PRRX1: variants seen among roughly 807,000 people sequenced by gnomAD.
PRRX1 encodes paired related homeobox 1, also known as paired mesoderm homeobox protein 1.
PRRX1 carries 8 observed loss-of-function variants against 24.0 expected under a neutral mutation model. The ratio of observed to expected loss-of-function variants is 0.33; its 90% CI spans 0.20 to 0.60. The LOEUF (loss-of-function observed/expected upper bound fraction) is 0.60, where lower values mean the gene tolerates loss of function less well. PRRX1 is among the 20% of genes least tolerant of loss of function. PRRX1 has a pLI of 0.82. For synonymous variants in PRRX1, 160 were observed against 131.7 expected, an observed-to-expected ratio of 1.22 and a Z score of -1.47; for missense variants, 281 against 322.4, an observed-to-expected ratio of 0.87 and a Z score of 0.98.
At chr1:170,722,065 A>T (rs927438030) in intron 2 of PRRX1, among the ~76,000 whole-genome samples, 2 of 151,988 alleles carry the variant, frequency 1.3e-5, no homozygotes, top group African/African-American at 4.8e-5. Flanking sequence ...ATATGTTGGA[A>T]CTATTTTTTA....
Position 170,736,812 on chromosome 1 carries a change from T to C in PRRX1, c.*626T>C, listed in dbSNP as rs903804431. 4 of 192,838 alleles carry C rather than the reference T, an allele frequency of 2.1e-5. No homozygotes were observed. Among genetic ancestry groups the C allele is most frequent in the African/African-American group, 9.3e-5 (4 of 42,956 alleles). The allele number at this position is 192,838 out of a possible 1,614,324, so 11.9% of individuals were successfully genotyped here. On this transcript the variant is annotated 3_prime_UTR_variant, in exon 4 of 4. Coordinates refer to ENST00000239461, the MANE Select transcript of PRRX1 (RefSeq NM_022716.4). ...TGTGCACAACATCTGCTCACTGGAC[T>C]GTCTGATCCAATGTAATTGGCTGCG...
At chr1:170,666,462 G>C (rs1321844133) in intron 1 of PRRX1, among the ~76,000 whole-genome samples, 2 of 149,880 alleles carry the variant, frequency 1.3e-5, no homozygotes, top group African/African-American at 4.9e-5. Flanking sequence ...AGCATTTGGT[G>C]TAGACCCCAG....
At chr1:170,698,860 A>G (rs1455532001) in intron 1 of PRRX1, among the ~76,000 whole-genome samples, 6 of 152,040 alleles carry the variant, frequency 3.9e-5, no homozygotes, top group Non-Finnish European at 8.8e-5. Context: ...GAGGGTGGCT[A>G]AGGAAGTGTC....
At chr1:170,697,943 A>T (rs1449607250) in intron 1 of PRRX1, among the ~76,000 whole-genome samples, 1 of 151,274 alleles carries the variant, frequency 6.6e-6, no homozygotes, top group Non-Finnish European at 1.5e-5. Flanking sequence ...ATATAACATA[A>T]TTTTTAATAC....
intron 1 of PRRX1, among the ~76,000 whole-genome samples, chr1:170,694,206 G>A (rs1654085072): frequency 6.6e-6 from 1 of 151,898 alleles, no homozygotes; most frequent in Non-Finnish European, 1.5e-5. Context: ...ACGGTAGAAA[G>A]GTTTGATCAA....
chr1:170,738,338 A>G lies in PRRX1; in HGVS notation c.*2152A>G. On this transcript the variant is annotated 3_prime_UTR_variant, in exon 4 of 4. Transcript: ENST00000239461. The stretch of plus-strand genomic sequence containing the variant: ...GCCACCAATCTGAAATTGTATTTCA[A>G]ATGTTGATTCTGTAGTTCTTTAAAT... 1 of 225,198 alleles carries G rather than the reference A, an allele frequency of 4.4e-6. No individual in the cohort carries two copies. Among genetic ancestry groups the G allele is most frequent in the African/African-American group, 2.2e-5 (1 of 45,044 alleles). 13.9% of individuals were successfully genotyped at this position (225,198 alleles called of 1,614,324 possible).
chr1:170,719,112 G>A (rs1429230697), intron 1 of PRRX1, among the ~76,000 whole-genome samples: 1 of 152,204 alleles, frequency 6.6e-6, no homozygotes, highest in Non-Finnish European at 1.5e-5. Context: ...TCCTGATCTA[G>A]GCTGAGGCCT....
At chr1:170,709,301 G>C (rs536414328) in intron 1 of PRRX1, among the ~76,000 whole-genome samples, 1 of 152,274 alleles carries the variant, frequency 6.6e-6, no homozygotes, top group South Asian at 2.1e-4. Context: ...AGTAGGTATG[G>C]GTAAGGTCTG....
At chr1:170,683,549 G>A (rs892628803) in intron 1 of PRRX1, among the ~76,000 whole-genome samples, 1 of 152,182 alleles carries the variant, frequency 6.6e-6, no homozygotes, top group Admixed American at 6.5e-5. Flanking sequence ...CTCCCTAGAA[G>A]CAGCTGCTTC....
At chr1:170,723,212 A>G (rs1655145470) in intron 2 of PRRX1, among the ~76,000 whole-genome samples, 1 of 152,142 alleles carries the variant, frequency 6.6e-6, no homozygotes, top group Non-Finnish European at 1.5e-5. Context: ...TCCAGATTCC[A>G]CCTTGGCCAA....
chr1:170,664,172 T>C lies in PRRX1; in HGVS notation c.-47T>C. The stretch of plus-strand genomic sequence containing the variant: ...CCCTCGCGCCCACAGCGTTTGGTGT[T>C]GATTCGAGCGGGAAGAGGGGGGTGG... On this transcript the variant is annotated 5_prime_UTR_variant, in exon 1 of 4. Transcript: ENST00000239461. 6.3e-7 allele frequency: 1 copy of C among 1,576,166 alleles called. No individual in the cohort carries two copies. The highest frequency in any genetic ancestry group is 8.6e-7 in the Non-Finnish European group (1 of 1,162,432).
At chr1:170,694,881 G>T (rs918079738) in intron 1 of PRRX1, among the ~76,000 whole-genome samples, 2 of 152,030 alleles carry the variant, frequency 1.3e-5, no homozygotes, top group Non-Finnish European at 2.9e-5. Context: ...TTAAAATAAC[G>T]GTAGACTTAA....
intron 1 of PRRX1, among the ~76,000 whole-genome samples, chr1:170,700,692 TCCAAGTTA>T (rs1654325023): frequency 6.6e-6 from 1 of 152,114 alleles, no homozygotes; most frequent in Non-Finnish European, 1.5e-5. Flanking sequence ...AAAACCAAAC[TCCAAGTTA>T]CCAGGATGCT....
In PRRX1 at chr1:170,678,523, G is replaced by C. The variant is rs78936933; in HGVS notation, c.241+14064G>C. Among the ~76,000 whole-genome samples, 80 of 152,326 alleles carry C rather than the reference G, an allele frequency of 5.3e-4. No homozygotes were observed. The East Asian group carries it at 0.014, about 27-fold the overall frequency. On this transcript the variant is annotated intron_variant, in intron 1 of 3. Transcript: ENST00000239461. Reference sequence around the variant, plus strand: ...ACATGCTAAGTGAGTGTTAGGCGAAGATTAGGAGCACAGCTCTCTTGGCAA... The same window carrying C: ...ACATGCTAAGTGAGTGTTAGGCGAACATTAGGAGCACAGCTCTCTTGGCAA...
intron 1 of PRRX1, among the ~76,000 whole-genome samples, chr1:170,665,315 A>T (rs1652881026): frequency 6.6e-6 from 1 of 152,134 alleles, no homozygotes; most frequent in South Asian, 2.1e-4. Context: ...ATCCTCACCG[A>T]CCAACCTCGC....
rs117770230 is a variant in PRRX1 at position 170,695,713 on chromosome 1, C to T, written c.242-24013C>T. 1.0e-3 allele frequency among the ~76,000 whole-genome samples: 158 copies of T among 152,210 alleles called. 1 individual carries two copies. The East Asian group carries it at 0.023, about 22-fold the overall frequency. On this transcript the variant is annotated intron_variant, in intron 1 of 3. Transcript: ENST00000239461. ...GTCAACAACAAATCTGTAAAGAGTC[C>T]CTGAGTGCCTGCCCTCACTCTCACA...
intron 1 of PRRX1, among the ~76,000 whole-genome samples, chr1:170,675,933 C>A (rs1653306286): frequency 6.6e-6 from 1 of 152,004 alleles, no homozygotes; most frequent in East Asian, 1.9e-4. Context: ...AAACTAAAAA[C>A]CACACTTGCC....
chr1:170,736,951 C>A lies in PRRX1; in HGVS notation c.*765C>A. ...CACCCTATGCAATCAATCAATCAAT[C>A]ATCTTAAGTTAAAGATATTTGTTGT... is the stretch of plus-strand genomic sequence containing the variant. On this transcript the variant is annotated 3_prime_UTR_variant, in exon 4 of 4. Transcript: ENST00000239461. 1 of 198,570 alleles carries A rather than the reference C, an allele frequency of 5.0e-6. No homozygotes were observed. The highest frequency in any genetic ancestry group is 1.0e-5 in the Non-Finnish European group (1 of 95,698). The allele number at this position is 198,570 out of a possible 1,614,324, so 12.3% of individuals were successfully genotyped here. A position where few individuals can be genotyped will look rare whatever the true frequency, so the allele number is the denominator to read the frequency against.
chr1:170,737,753 A>C lies in PRRX1; in HGVS notation c.*1567A>C, dbSNP rs1366762822. ...TTGCCAGGTGGACTTGACCAACTAC[A>C]TTACCATGCTGTGCCTCAGTTTACC... On this transcript the variant is annotated 3_prime_UTR_variant, in exon 4 of 4. Coordinates refer to ENST00000239461, the MANE Select transcript of PRRX1 (RefSeq NM_022716.4). 4.5e-6 allele frequency: 1 copy of C among 221,290 alleles called. No homozygotes were observed. The highest frequency in any genetic ancestry group is 9.1e-6 in the Non-Finnish European group (1 of 110,228). The allele number at this position is 221,290 out of a possible 1,614,324, so 13.7% of individuals were successfully genotyped here.
Sources: allele counts gnomAD v4.1 joint callset (sites outside exome capture counted in the v4.1 genomes callset), GRCh38; gene constraint gnomAD v4.1.1; transcripts MANE v1.5; gene names NCBI Gene and HGNC (gene_info 2026-07-23, HGNC 2026-07-21).